The following EIF2AK4 variants were observed in gnomAD, a reference collection of about 807,000 sequenced individuals.
The protein encoded by EIF2AK4 is eukaryotic translation initiation factor 2 alpha kinase 4.
Under a neutral mutation model 211.1 loss-of-function variants are expected in EIF2AK4, and 139 were observed. That is an observed-to-expected ratio of 0.66 (90% CI 0.57 to 0.76). EIF2AK4 has a LOEUF of 0.76. Ranked by LOEUF, EIF2AK4 falls within the 30% of genes least tolerant of loss-of-function variation. EIF2AK4 has a pLI of 0.00. For synonymous variants in EIF2AK4, 710 were observed against 751.3 expected (o/e 0.94, Z 0.90); for missense variants, 1,664 against 2,043.8 (o/e 0.81, Z 3.58).
At chr15:39,960,169 A>AC (rs2034450759) in intron 6 of EIF2AK4, among the ~76,000 whole-genome samples, 1 of 151,704 alleles carries the variant, frequency 6.6e-6, no homozygotes, top group African/African-American at 2.4e-5. Context: ...ATCTCAAAAA[A>AC]AAAAAAAAAA....
Position 39,972,924 on chromosome 15 carries a change from G to A in EIF2AK4, c.1570G>A (p.Asp524Asn). The change falls in exon 10 of 39, where the codon GAC (aspartate) becomes AAC (asparagine). Residue 524 changes from aspartate to asparagine, a missense_variant. Asp to Asn is a conservative substitution (Grantham distance 23, BLOSUM62 1). Transcript: ENST00000263791. ...DFLKKCVCLD[D>N]KERWSPQQLL... ...CTCACCGAGATGTGTGTGCTTGGAT[G>A]ACAAGGAAAGATGGAGTCCCCAGCA... The A allele has an allele frequency of 3.1e-6, 5 of 1,613,946 alleles. No homozygotes were observed. The highest frequency in any genetic ancestry group is 3.4e-6 in the Non-Finnish European group (4 of 1,179,966).
intron 9 of EIF2AK4, among the ~76,000 whole-genome samples, chr15:39,968,757 G>T (rs979501509): frequency 6.6e-6 from 1 of 151,632 alleles, no homozygotes; most frequent in Admixed American, 6.6e-5. Flanking sequence ...TCCACCTATC[G>T]CAGTAGCCAG....
chr15:39,973,860 G>T (rs1383334717), intron 11 of EIF2AK4, 111 bp downstream of exon 11: 4 of 1,246,458 alleles, frequency 3.2e-6, no homozygotes, highest in Non-Finnish European at 4.5e-6. Context: ...AAGTGAATAT[G>T]GCTGTTGGAT....
chr15:39,942,471 G>A (rs1202139216), intron 2 of EIF2AK4, among the ~76,000 whole-genome samples: 1 of 152,182 alleles, frequency 6.6e-6, no homozygotes, highest in East Asian at 1.9e-4. Context: ...TCATACTGAA[G>A]CATTGAGAGA....
intron 35 of EIF2AK4, 110 bp downstream of exon 35, chr15:40,030,566 C>G (rs1158813419): frequency 1.6e-6 from 2 of 1,255,850 alleles, no homozygotes; most frequent in Non-Finnish European, 1.1e-6. Context: ...AATATTTTTT[C>G]CAAGAAAAAA....
Position 40,002,724 on chromosome 15 carries a change from A to C in EIF2AK4, c.3171A>C (p.Ser1057=). ...CGGTCCTGTTTTAGGGCAACTTCTC[A>C]ATCCGTACAGCCAAGATGCAGCAGC... ...YDSDILKGNF[S]IRTAKMQQHV... Residue 1057 remains serine (S), a synonymous_variant, in exon 22 of 39, where the codon TCA becomes TCC. Coordinates refer to ENST00000263791, the MANE Select transcript of EIF2AK4 (RefSeq NM_001013703.4). The C allele has an allele frequency of 6.2e-7, 1 of 1,614,220 alleles. No individual in the cohort carries two copies. The highest frequency in any genetic ancestry group is 8.5e-7 in the Non-Finnish European group (1 of 1,180,028).
In EIF2AK4 at chr15:39,976,750, G is replaced by T; in HGVS notation, c.2155G>T (p.Ala719Ser). The stretch of plus-strand genomic sequence containing the variant: ...GTGGAGCACTTCGGGCGAGCGCTCG[G>T]CCAGTGCCCGTTTCCCCGCCACCGG... ...VEWSTSGERS[A>S]SARFPATGPG... The change falls in exon 12 of 39, where the codon GCC becomes TCC. Residue 719 changes from alanine (A) to serine (S), a missense_variant. Ala to Ser is a moderately conservative substitution (Grantham distance 99). This residue lies in a region of EIF2AK4 where 206 missense variants were observed against 201.9 expected (regional missense o/e 1.02). Transcript: ENST00000263791. 1.3e-6 allele frequency: 2 copies of T among 1,598,862 alleles called. No individual in the cohort carries two copies.
intron 13 of EIF2AK4, among the ~76,000 whole-genome samples, chr15:39,984,075 G>T (rs1370108738): frequency 7.2e-5 from 11 of 152,178 alleles, no homozygotes; most frequent in Admixed American, 7.2e-4. Flanking sequence ...CATATGGCTA[G>T]CCAGTTTTCC....
chr15:40,008,005 A>G (rs1343692940), intron 24 of EIF2AK4, 22 bp from the exon 25 acceptor site: 6 of 1,494,176 alleles, frequency 4.0e-6, no homozygotes, highest in Non-Finnish European at 5.4e-6. Flanking sequence ...ATGACCTTAG[A>G]AATCTGGGTT....
At chr15:40,007,532 A>G (rs1298045662) in intron 24 of EIF2AK4, among the ~76,000 whole-genome samples, 2 of 152,234 alleles carry the variant, frequency 1.3e-5, no homozygotes, top group Admixed American at 1.3e-4. Context: ...GAGGACCTCC[A>G]GGCACTTAGC....
intron 13 of EIF2AK4, among the ~76,000 whole-genome samples, chr15:39,979,999 A>G (rs1237233337): frequency 6.6e-6 from 1 of 152,254 alleles, no homozygotes; most frequent in African/African-American, 2.4e-5. Context: ...AAGGCAAAAG[A>G]ATACAGAGCT....
intron 33 of EIF2AK4, among the ~76,000 whole-genome samples, chr15:40,026,620 C>A (rs1170031240): frequency 6.6e-6 from 1 of 152,148 alleles, no homozygotes; most frequent in Non-Finnish European, 1.5e-5. Flanking sequence ...AACATTTGTT[C>A]TTCATACCAT....
At chr15:39,970,144 A>G (rs1024595829) in intron 9 of EIF2AK4, among the ~76,000 whole-genome samples, 1 of 152,206 alleles carries the variant, frequency 6.6e-6, no homozygotes, top group African/African-American at 2.4e-5. Flanking sequence ...CAGTAGTGAG[A>G]ACTATGAAGA....
At chr15:39,988,560 CCA>C (rs2034898254) in intron 15 of EIF2AK4, among the ~76,000 whole-genome samples, 1 of 151,886 alleles carries the variant, frequency 6.6e-6, no homozygotes, top group African/African-American at 2.4e-5. Flanking sequence ...TGTTTTTTTT[CCA>C]TACCAGCAGA....
intron 32 of EIF2AK4, among the ~76,000 whole-genome samples, chr15:40,023,315 A>G (rs2035419504): frequency 6.6e-6 from 1 of 152,240 alleles, no homozygotes; most frequent in Non-Finnish European, 1.5e-5. Flanking sequence ...TTTAAAGGGA[A>G]AAAAACTTTC....
intron 14 of EIF2AK4, 50 bp downstream of exon 14, chr15:39,985,938 G>T: frequency 1.3e-6 from 2 of 1,534,754 alleles, no homozygotes; most frequent in East Asian, 2.3e-5. Context: ...CAGTAGTGGC[G>T]GGTGGGCCTG....
intron 5 of EIF2AK4, among the ~76,000 whole-genome samples, chr15:39,954,933 C>G (rs2034368901): frequency 6.6e-6 from 1 of 152,240 alleles, no homozygotes; most frequent in Non-Finnish European, 1.5e-5. Flanking sequence ...AGGTGACATT[C>G]TCTGTGACTC....
intron 35 of EIF2AK4, among the ~76,000 whole-genome samples, chr15:40,031,207 T>TA (rs2035538269): frequency 6.6e-6 from 1 of 152,162 alleles, no homozygotes; most frequent in East Asian, 1.9e-4. Context: ...GGCACTACAC[T>TA]ACAGCCTGGG....
At chr15:39,959,337 T>C (rs898030811) in intron 6 of EIF2AK4, among the ~76,000 whole-genome samples, 2 of 152,208 alleles carry the variant, frequency 1.3e-5, no homozygotes, top group African/African-American at 4.8e-5. Flanking sequence ...ATATGAATCT[T>C]TTTGGCGAAA....
Sources: gnomAD v4.1 joint callset for allele counts (sites outside exome capture counted in the v4.1 genomes callset) on GRCh38, gnomAD v4.1.1 for gene constraint, gnomAD v4.1.1 regional missense constraint, MANE v1.5 for transcripts, NCBI Gene and HGNC (gene_info 2026-07-23, HGNC 2026-07-21) for gene names.